Variants in AFG2A observed in about 807,000 individuals in gnomAD.
AFG2A encodes the protein ATPase family gene 2 protein homolog A.
At chr4:123,015,133 T>C in the AFG2A span, among the ~76,000 whole-genome samples, 1 of 152,180 alleles carries the variant, frequency 6.6e-6, no homozygotes, top group Non-Finnish European at 1.5e-5. Flanking sequence ...CTGCTTTTCA[T>C]TGGTTTTCAG....
At chr4:122,960,476 C>A in the AFG2A span, among the ~76,000 whole-genome samples, 8 of 152,074 alleles carry the variant, frequency 5.3e-5, no homozygotes, top group Non-Finnish European at 1.2e-4. Flanking sequence ...ATAAATAGAT[C>A]TTGATTTCTT....
chr4:122,977,554 A>G, the AFG2A span, among the ~76,000 whole-genome samples: 57 of 152,376 alleles, frequency 3.7e-4, no homozygotes, highest in African/African-American at 1.3e-3. Context: ...CTCTGGTATC[A>G]CAGCTCTGAT....
At chr4:123,024,362 C>T in the AFG2A span, among the ~76,000 whole-genome samples, 9 of 152,060 alleles carry the variant, frequency 5.9e-5, no homozygotes, top group Admixed American at 3.9e-4. Context: ...GGCCAGGAAT[C>T]CCAAGTCACC....
At chr4:123,163,185 C>T in the AFG2A span, among the ~76,000 whole-genome samples, 1 of 152,138 alleles carries the variant, frequency 6.6e-6, no homozygotes, top group South Asian at 2.1e-4. Flanking sequence ...CCTTTAATTC[C>T]AGCACTTTGG....
the AFG2A span, among the ~76,000 whole-genome samples, chr4:123,086,774 A>G: frequency 9.2e-5 from 14 of 151,972 alleles, no homozygotes; most frequent in Non-Finnish European, 1.9e-4. Context: ...GGAAGTTTGT[A>G]TATACATATC....
chr4:122,972,975 T>C, the AFG2A span, among the ~76,000 whole-genome samples: 1 of 152,162 alleles, frequency 6.6e-6, no homozygotes, highest in Admixed American at 6.5e-5. Flanking sequence ...ATCTTCTATA[T>C]ATTCTTTTTA....
the AFG2A span, among the ~76,000 whole-genome samples, chr4:123,302,825 G>T: frequency 6.6e-6 from 1 of 152,196 alleles, no homozygotes; most frequent in Non-Finnish European, 1.5e-5. Flanking sequence ...AGGTAGTGAG[G>T]TCACCTCTAG....
At chr4:123,065,377 T>C in the AFG2A span, among the ~76,000 whole-genome samples, 2 of 152,316 alleles carry the variant, frequency 1.3e-5, no homozygotes, top group Non-Finnish European at 2.9e-5. Flanking sequence ...AGCCTTAGTT[T>C]CTTCATCTGT....
At chr4:123,124,964 CAT>C in the AFG2A span, among the ~76,000 whole-genome samples, 3 of 152,134 alleles carry the variant, frequency 2.0e-5, no homozygotes, top group Admixed American at 6.5e-5. Flanking sequence ...CACCAGGAAA[CAT>C]ATTACTTTTC....
At chr4:123,060,763 T>G in the AFG2A span, among the ~76,000 whole-genome samples, 1 of 152,230 alleles carries the variant, frequency 6.6e-6, no homozygotes, top group Admixed American at 6.5e-5. Context: ...ATTTGGTTCC[T>G]TGTTACTTAA....
the AFG2A span, among the ~76,000 whole-genome samples, chr4:122,949,257 C>G: frequency 6.6e-5 from 10 of 152,322 alleles, no homozygotes; most frequent in Admixed American, 5.9e-4. Flanking sequence ...CTGTCATCCA[C>G]TCTAGCCCAT....
At chr4:123,135,549 C>T in the AFG2A span, among the ~76,000 whole-genome samples, 1 of 152,158 alleles carries the variant, frequency 6.6e-6, no homozygotes, top group Admixed American at 6.5e-5. Flanking sequence ...ATTCAACCAA[C>T]CACAGATTGA....
chr4:123,193,220 C>T, the AFG2A span, among the ~76,000 whole-genome samples: 1 of 152,180 alleles, frequency 6.6e-6, no homozygotes, highest in East Asian at 1.9e-4. Context: ...ATAGTGATTT[C>T]AGTAAGGCTG....
the AFG2A span, among the ~76,000 whole-genome samples, chr4:123,055,344 C>A: frequency 6.6e-6 from 1 of 152,044 alleles, no homozygotes; most frequent in East Asian, 1.9e-4. Flanking sequence ...TGAAATGTTA[C>A]TTTCTCTAGG....
the AFG2A span, among the ~76,000 whole-genome samples, chr4:122,984,890 A>C: frequency 1.3e-5 from 2 of 152,272 alleles, no homozygotes; most frequent in East Asian, 1.9e-4. Flanking sequence ...TTCAGTGTTC[A>C]TCAAGGATAT....
At chr4:123,263,723 T>C in the AFG2A span, among the ~76,000 whole-genome samples, 3 of 152,162 alleles carry the variant, frequency 2.0e-5, no homozygotes, top group Non-Finnish European at 4.4e-5. Context: ...GATGTTGGCG[T>C]GGATGTGCTA....
the AFG2A span, among the ~76,000 whole-genome samples, chr4:123,023,021 A>G: frequency 1.6e-5 from 2 of 123,214 alleles, no homozygotes; most frequent in South Asian, 3.1e-4. Flanking sequence ...AACATCACAC[A>G]CTGGGGACTG....
At chr4:123,011,967 G>A in the AFG2A span, among the ~76,000 whole-genome samples, 3 of 149,218 alleles carry the variant, frequency 2.0e-5, no homozygotes. Flanking sequence ...GGAGAGAAGG[G>A]GTGGGGGTTG....
chr4:123,136,842 CAAAAAAAA>C, the AFG2A span, among the ~76,000 whole-genome samples: 187 of 110,496 alleles, frequency 1.7e-3, 3 homozygotes, highest in African/African-American at 4.2e-3. Flanking sequence ...AACTCCATCT[CAAAAAAAA>C]AAAAAAAGAA....
Sources: allele counts gnomAD v4.1 joint callset (sites outside exome capture counted in the v4.1 genomes callset), GRCh38; gene constraint gnomAD v4.1.1; transcripts MANE v1.5; gene names NCBI Gene and HGNC (gene_info 2026-07-23, HGNC 2026-07-21).